The following CCDC40 variants were observed in gnomAD, a reference collection of about 807,000 sequenced individuals.
CCDC40 encodes the protein coiled-coil domain-containing protein 40.
Under a neutral mutation model 124.5 loss-of-function variants are expected in CCDC40, and 104 were observed. The ratio of observed to expected loss-of-function variants is 0.84; its 90% CI spans 0.71 to 0.98. CCDC40 has a LOEUF of 0.98. CCDC40 is among the 50% of genes least tolerant of loss of function. CCDC40 has a pLI of 0.00. For missense variants in CCDC40, 1,463 were observed against 1,503.9 expected (o/e 0.97, Z 0.45); for synonymous variants, 580 against 602.9 (o/e 0.96, Z 0.56).
intron 3 of CCDC40, among the ~76,000 whole-genome samples, chr17:80,042,416 G>T (rs556179447): frequency 2.0e-5 from 3 of 152,258 alleles, no homozygotes; most frequent in African/African-American, 7.2e-5. Context: ...CATCGCTCCT[G>T]CCCAGTATTT....
At chr17:80,090,313 A>G in intron 17 of CCDC40, 2 of 1,332,440 alleles carry the variant, frequency 1.5e-6, no homozygotes, top group Admixed American at 2.2e-5. Context: ...GTGCACGAAC[A>G]ACACGGGACG....
intron 17 of CCDC40, chr17:80,090,870 A>G: frequency 1.0e-6 from 1 of 993,416 alleles, no homozygotes; most frequent in Non-Finnish European, 1.3e-6. Context: ...GCATATGCTA[A>G]TAAGATGTTG....
At position 80,067,417 on chromosome 17, in the gene CCDC40, T is replaced by G. The variant is rs1052547537; in HGVS notation, c.1562+1811T>G. ...GTGCAATTGCAAGAAAGCATATGCG[T>G]TCACCCGGAGTCTTCCTTCCCTCTC... On this transcript the variant is annotated intron_variant, in intron 10 of 19. Transcript: ENST00000397545. The G allele has an allele frequency of 3.5e-4, 225 of 643,534 alleles. 1 individual carries two copies. Among genetic ancestry groups the G allele is most frequent in the South Asian group, 2.1e-3 (116 of 55,860 alleles). 39.9% of individuals were successfully genotyped at this position (643,534 alleles called of 1,614,324 possible).
At chr17:80,052,147 A>G (rs1230510669) in intron 7 of CCDC40, among the ~76,000 whole-genome samples, 3 of 152,222 alleles carry the variant, frequency 2.0e-5, no homozygotes, top group African/African-American at 7.2e-5. Flanking sequence ...GGGAGACTGT[A>G]TTAGGGTTGT....
intron 18 of CCDC40, among the ~76,000 whole-genome samples, chr17:80,095,892 G>A (rs553748997): frequency 9.6e-4 from 147 of 152,364 alleles, no homozygotes; most frequent in African/African-American, 2.6e-3. Flanking sequence ...AGTGGGCACC[G>A]GGGACCAGCT....
At chr17:80,047,869 C>T (rs185921148) in intron 4 of CCDC40, among the ~76,000 whole-genome samples, 294 of 152,280 alleles carry the variant, frequency 1.9e-3, no homozygotes, top group African/African-American at 6.3e-3. Context: ...GTGTTGTGGA[C>T]GTGGGAGGGC....
intron 17 of CCDC40, 132 bp from the exon 18 acceptor site, chr17:80,095,131 C>G (rs1243209835): frequency 2.4e-6 from 2 of 822,198 alleles, no homozygotes; most frequent in African/African-American, 3.4e-5. Flanking sequence ...CCTGGCGGCA[C>G]AGGCCTCACT....
At chr17:80,065,627 G>A (rs1432569995) in intron 10 of CCDC40, 21 bp downstream of exon 10, 3 of 1,611,170 alleles carry the variant, frequency 1.9e-6, no homozygotes, top group Non-Finnish European at 2.5e-6. Context: ...GCCACAGGCA[G>A]CGAGGATGTG....
chr17:80,077,940 G>A (rs1034935692), intron 10 of CCDC40, among the ~76,000 whole-genome samples: 1 of 152,134 alleles, frequency 6.6e-6, no homozygotes, highest in African/African-American at 2.4e-5. Context: ...TCTTTACAGT[G>A]TCTTTTGAAG....
chr17:80,091,359 A>AG (rs71163920), intron 17 of CCDC40, among the ~76,000 whole-genome samples: 19 of 151,754 alleles, frequency 1.3e-4, no homozygotes, highest in African/African-American at 4.6e-4. Context: ...AGAGAGAGAG[A>AG]AAGAAAGAGA....
Position 80,058,339 on chromosome 17 carries a change from A to G in CCDC40, c.1160-155A>G, listed in dbSNP as rs576808742. On this transcript the variant is annotated intron_variant, in intron 7 of 19. Transcript: ENST00000397545. This position sits in a 1 kb window ranked among gnomAD's most constrained non-coding sequence, Gnocchi z 4.2. ...CTTTGCTGACAAAGTCTGTGTCTTG[A>G]TAGTTTAAAAGCAGTTTCCCAGTCT... is the stretch of plus-strand genomic sequence containing the variant. Among the ~76,000 whole-genome samples the G allele has an allele frequency of 2.0e-5, 3 of 152,272 alleles. No homozygotes were observed. The South Asian group carries it at 6.2e-4, about 32-fold the overall frequency.
rs886038639 is a variant in CCDC40, at chr17:80,084,916, C to A, written c.2163C>A (p.Ile721=). The A allele has an allele frequency of 6.2e-7, 1 of 1,614,114 alleles. No individual in the cohort carries two copies. The highest frequency in any genetic ancestry group is 1.7e-5 in the Admixed American group (1 of 60,016). ...NSQSEISRRT[I]LIERKQGLIN... is the part of the protein sequence containing the mutation. ...AGAGCGAGATCTCCCGGCGCACGAT[C>A]CTGATCGAGAGGAAGCAAGGGCTCA... Residue 721 remains isoleucine, a synonymous_variant, in exon 13 of 20, where the codon ATC becomes ATA. Coordinates refer to ENST00000397545, the MANE Select transcript of CCDC40 (RefSeq NM_017950.4).
chr17:80,075,722 G>C (rs1249940087), intron 10 of CCDC40, among the ~76,000 whole-genome samples: 4 of 151,944 alleles, frequency 2.6e-5, no homozygotes. Flanking sequence ...CAGGTGATCT[G>C]CCTGCCTCGG....
At chr17:80,088,957 T>C (rs1370656468) in intron 16 of CCDC40, among the ~76,000 whole-genome samples, 1 of 152,156 alleles carries the variant, frequency 6.6e-6, no homozygotes, top group South Asian at 2.1e-4. Context: ...TGTGATAAAG[T>C]TTTTAAGTAT....
chr17:80,051,294 G>A (rs2143621235), intron 7 of CCDC40: 1 of 982,988 alleles, frequency 1.0e-6, no homozygotes, highest in Non-Finnish European at 1.2e-6. Context: ...AAGTGGAAGA[G>A]GTTCTGGAAA....
At chr17:80,043,470 C>T (rs2037333173) in intron 3 of CCDC40, among the ~76,000 whole-genome samples, 1 of 152,074 alleles carries the variant, frequency 6.6e-6, no homozygotes, top group Admixed American at 6.6e-5. Context: ...CAGACATTCG[C>T]TCACATCTAT....
chr17:80,077,786 T>C (rs566849255), intron 10 of CCDC40, among the ~76,000 whole-genome samples: 1 of 152,338 alleles, frequency 6.6e-6, no homozygotes, highest in East Asian at 1.9e-4. Flanking sequence ...GTGCCTTCTC[T>C]GGTGAAGCAA....
At position 80,089,969 on chromosome 17, in the gene CCDC40, C is replaced by T. The variant is rs1317119681; in HGVS notation, c.2832+85C>T. 5 of 1,564,214 alleles carry T rather than the reference C, an allele frequency of 3.2e-6. 1 individual carries two copies. The highest frequency in any genetic ancestry group is 2.3e-5 in the South Asian group (2 of 86,810). The stretch of plus-strand genomic sequence containing the variant: ...ACCTGGCCACACCAAGGCCTCGGCT[C>T]TCCCGGGGCTCCTGTGGGAACCACA... On this transcript the variant is annotated intron_variant, in intron 17 of 19. Transcript: ENST00000397545.
At chr17:80,039,444 ACT>A (rs1300329890) in intron 2 of CCDC40, among the ~76,000 whole-genome samples, 1 of 149,796 alleles carries the variant, frequency 6.7e-6, no homozygotes, top group Non-Finnish European at 1.5e-5. Flanking sequence ...ACAGAGTCTC[ACT>A]CTGTCTCCAG....
Sources: allele counts gnomAD v4.1 joint callset (sites outside exome capture counted in the v4.1 genomes callset), GRCh38; gene constraint gnomAD v4.1.1; non-coding constraint Gnocchi (gnomAD v3.1); transcripts MANE v1.5; gene names NCBI Gene and HGNC (gene_info 2026-07-23, HGNC 2026-07-21).